MARCHF5: variants seen among roughly 807,000 people sequenced by gnomAD.
MARCHF5 encodes E3 ubiquitin-protein ligase MARCHF5.
Under a neutral mutation model 36.5 loss-of-function variants are expected in MARCHF5, and 5 were observed. The ratio of observed to expected loss-of-function variants is 0.14; its 90% CI spans 0.07 to 0.29. MARCHF5 has a LOEUF of 0.29. Among genes scored for constraint, MARCHF5 ranks in the 10% least tolerant of loss-of-function variants. The pLI, the probability that MARCHF5 is intolerant of heterozygous loss-of-function variation, is 1.00. For synonymous variants in MARCHF5, 103 were observed against 109.9 expected (o/e 0.94, Z 0.39); for missense variants, 179 against 336.3 (o/e 0.53, Z 3.66).
At chr10:92,327,761 T>C (rs1843383681) in intron 2 of MARCHF5, among the ~76,000 whole-genome samples, 1 of 152,194 alleles carries the variant, frequency 6.6e-6, no homozygotes, top group South Asian at 2.1e-4. Flanking sequence ...TTTTTCTCTT[T>C]TATTATGAAA....
intron 1 of MARCHF5, among the ~76,000 whole-genome samples, chr10:92,299,341 G>A (rs1356118976): frequency 7.6e-6 from 1 of 131,252 alleles, no homozygotes; most frequent in East Asian, 2.6e-4. Context: ...ACTTTCAACG[G>A]GGTAACGTGC....
chr10:92,323,581 C>G (rs1843316615), intron 2 of MARCHF5, among the ~76,000 whole-genome samples: 1 of 152,162 alleles, frequency 6.6e-6, no homozygotes, highest in South Asian at 2.1e-4. Context: ...CATCCCTCCC[C>G]GAGCTCCTGG....
intron 2 of MARCHF5, among the ~76,000 whole-genome samples, chr10:92,321,258 A>T (rs1236753013): frequency 6.6e-6 from 1 of 152,068 alleles, no homozygotes; most frequent in Non-Finnish European, 1.5e-5. Flanking sequence ...TTTTTCAGAG[A>T]TGGCCTTTAT....
intron 2 of MARCHF5, among the ~76,000 whole-genome samples, chr10:92,318,460 A>G (rs1196868061): frequency 1.4e-5 from 2 of 141,834 alleles, no homozygotes; most frequent in African/African-American, 5.3e-5. Flanking sequence ...GGGGCCCACA[A>G]CTGTAATCCC....
intron 2 of MARCHF5, among the ~76,000 whole-genome samples, chr10:92,334,000 G>A (rs1463177459): frequency 2.6e-5 from 4 of 151,994 alleles, no homozygotes; most frequent in African/African-American, 9.7e-5. Context: ...GACCAGCCTG[G>A]GTGACATGGC....
intron 2 of MARCHF5, among the ~76,000 whole-genome samples, chr10:92,314,119 G>A (rs893133240): frequency 1.3e-5 from 2 of 152,156 alleles, no homozygotes; most frequent in Non-Finnish European, 2.9e-5. Flanking sequence ...GGCTCAGCTG[G>A]GAGGATCACT....
rs180948209 is a variant in MARCHF5 at position 92,308,970 on chromosome 10, G to T, written c.36-2165G>T. Among the ~76,000 whole-genome samples the T allele has an allele frequency of 2.5e-4, 38 of 152,296 alleles. No homozygotes were observed. The East Asian group carries it at 6.0e-3, about 24-fold the overall frequency. On this transcript the variant is annotated intron_variant, in intron 1 of 5. Transcript: ENST00000358935. The stretch of plus-strand genomic sequence containing the variant: ...TCCGCCCGCTTCAGCCTCCCAAAGT[G>T]CTGGGATTACAGGCTTAAGCCACGG...
rs1042079072 is a variant in MARCHF5 at position 92,351,914 on chromosome 10, G to GTGTGTA, written c.*712_*713insATGTGT. 1 of 151,200 alleles carries GTGTGTA rather than the reference G, an allele frequency of 6.6e-6. No individual in the cohort carries two copies. The highest frequency in any genetic ancestry group is 1.5e-5 in the Non-Finnish European group (1 of 67,596). 9.4% of individuals were successfully genotyped at this position (151,200 alleles called of 1,614,324 possible). ...GACTCATGCAGTCGTGTGTGTGTGT[G>GTGTGTA]TGTGTGTGTGTGTGTGTGTGTGTGT... On this transcript the variant is annotated 3_prime_UTR_variant, in exon 6 of 6. Coordinates refer to ENST00000358935, the MANE Select transcript of MARCHF5 (RefSeq NM_017824.5).
Position 92,291,468 on chromosome 10 carries a change from A to G in MARCHF5, c.-27A>G. On this transcript the variant is annotated 5_prime_UTR_variant, in exon 1 of 6. Transcript: ENST00000358935. ...TGGCCTTGAGCGGGTCCACTGGGGA[A>G]GGCCGTGTGCGCCGGCTCCGCGGAA... The G allele has an allele frequency of 6.5e-7, 1 of 1,539,326 alleles. No homozygotes were observed. The highest frequency in any genetic ancestry group is 1.7e-4 in the Middle Eastern group (1 of 5,740).
chr10:92,323,840 A>G (rs1383750578), intron 2 of MARCHF5, among the ~76,000 whole-genome samples: 2 of 152,242 alleles, frequency 1.3e-5, no homozygotes, highest in African/African-American at 4.8e-5. Flanking sequence ...AGTTTTGGCT[A>G]TTATGAATAA....
intron 1 of MARCHF5, among the ~76,000 whole-genome samples, chr10:92,294,410 C>T (rs887225225): frequency 2.0e-5 from 3 of 152,104 alleles, no homozygotes; most frequent in African/African-American, 7.2e-5. Context: ...CTAATGTAAA[C>T]CAGTTTGGCC....
At chr10:92,320,600 T>C (rs1843279202) in intron 2 of MARCHF5, among the ~76,000 whole-genome samples, 1 of 152,032 alleles carries the variant, frequency 6.6e-6, no homozygotes, top group African/African-American at 2.4e-5. Context: ...ATTTGTGTCT[T>C]AGTTTTTAAC....
At chr10:92,310,328 A>G (rs187041521) in intron 1 of MARCHF5, among the ~76,000 whole-genome samples, 66 of 152,316 alleles carry the variant, frequency 4.3e-4, no homozygotes, top group Admixed American at 2.2e-3. Flanking sequence ...ATGGAAATCG[A>G]TGTCAAAACT....
chr10:92,332,518 T>C (rs1394696181), intron 2 of MARCHF5, among the ~76,000 whole-genome samples: 1 of 143,378 alleles, frequency 7.0e-6, no homozygotes, highest in East Asian at 2.0e-4. Flanking sequence ...CCCCATCCTT[T>C]TTTTTTTTTT....
chr10:92,332,720 C>T (rs1368124956), intron 2 of MARCHF5, among the ~76,000 whole-genome samples: 1 of 151,660 alleles, frequency 6.6e-6, no homozygotes, highest in Non-Finnish European at 1.5e-5. Flanking sequence ...AGGGTTTCCC[C>T]ATGTTGGCCA....
rs1331787115 is a variant in MARCHF5 at position 92,353,720 on chromosome 10, T to C, written c.*2513T>C. 4 of 144,756 alleles carry C rather than the reference T, an allele frequency of 2.8e-5. No individual in the cohort carries two copies. The highest frequency in any genetic ancestry group is 1.1e-4 in the African/African-American group (4 of 37,294). 9.0% of individuals were successfully genotyped at this position (144,756 alleles called of 1,614,324 possible). A position where few individuals can be genotyped will look rare whatever the true frequency, so the allele number is the denominator to read the frequency against. ...GAAACTTTAATGTTTTAAACCTCTTTTATAAAATTCAATGACGACTACTAG... is the reference window on the plus strand; with the variant it reads ...GAAACTTTAATGTTTTAAACCTCTTCTATAAAATTCAATGACGACTACTAG... On this transcript the variant is annotated 3_prime_UTR_variant, in exon 6 of 6. Coordinates refer to ENST00000358935, the MANE Select transcript of MARCHF5 (RefSeq NM_017824.5).
Position 92,340,737 on chromosome 10 carries a change from A to T in MARCHF5, c.303A>T (p.Ala101=). 1 of 1,613,912 alleles carries T rather than the reference A, an allele frequency of 6.2e-7. No homozygotes were observed. The highest frequency in any genetic ancestry group is 1.1e-5 in the South Asian group (1 of 91,026). The change falls in exon 3 of 6, where the codon GCA becomes GCT. Residue 101 remains alanine (A), a synonymous_variant. Coordinates refer to ENST00000358935, the MANE Select transcript of MARCHF5 (RefSeq NM_017824.5). ...RLISKACPFA[A]AGIMVGSIYW... ...TCTCAAAAGCCTGTCCATTTGCTGC[A>T]GCAGGAATAATGGTCGGCTCTATCT... is the stretch of plus-strand genomic sequence containing the variant.
Position 92,340,771 on chromosome 10 carries a change from G to A in MARCHF5, c.337G>A (p.Ala113Thr), listed in dbSNP as rs1219147005. The A allele has an allele frequency of 1.2e-6, 2 of 1,613,214 alleles. No homozygotes were observed. Among genetic ancestry groups the A allele is most frequent in the South Asian group, 2.2e-5 (2 of 90,836 alleles). ...GIMVGSIYWT[A>T]VTYGAVTVMQ... ...AATGGTCGGCTCTATCTATTGGACA[G>A]CTGTGACTTATGGAGCAGTGACAGT... The change falls in exon 3 of 6, where the codon GCT (alanine) becomes ACT (threonine). Residue 113 changes from alanine to threonine, a missense_variant. Physicochemically the swap from Ala to Thr is moderately conservative, Grantham distance 58. Around this residue, in one of 3 missense-constraint regions of MARCHF5, gnomAD observed 66 missense variants for 180.5 expected, o/e 0.37. Transcript: ENST00000358935.
intron 2 of MARCHF5, among the ~76,000 whole-genome samples, chr10:92,324,480 G>GC (rs892502752): frequency 3.3e-5 from 5 of 152,056 alleles, no homozygotes. Context: ...TCCTGCCTCA[G>GC]CCCCCCGAAT....
Sources: gnomAD v4.1 joint callset for allele counts (sites outside exome capture counted in the v4.1 genomes callset) on GRCh38, gnomAD v4.1.1 for gene constraint, gnomAD v4.1.1 regional missense constraint, MANE v1.5 for transcripts, NCBI Gene and HGNC (gene_info 2026-07-23, HGNC 2026-07-21) for gene names.